The following GRIK5 variants were observed in gnomAD, a reference collection of about 807,000 sequenced individuals.
GRIK5 encodes glutamate ionotropic receptor kainate type subunit 5.
Under a neutral mutation model 97.4 loss-of-function variants are expected in GRIK5, and 43 were observed. The ratio of observed to expected loss-of-function variants is 0.44; its 90% CI spans 0.35 to 0.57. The LOEUF is 0.57. Among genes scored for constraint, GRIK5 ranks in the 20% least tolerant of loss-of-function variants. The pLI, the probability that GRIK5 is intolerant of heterozygous loss-of-function variation, is 0.01. For missense variants in GRIK5, 1,015 were observed against 1,382.0 expected, an observed-to-expected ratio of 0.73 and a Z score of 4.21; for synonymous variants, 580 against 583.5, an observed-to-expected ratio of 0.99 and a Z score of 0.09.
In GRIK5 at chr19:42,065,571, G is replaced by C; in HGVS notation, c.79+121C>G. 9.9e-7 allele frequency: 1 copy of C among 1,010,780 alleles called. No homozygotes were observed. Among genetic ancestry groups the C allele is most frequent in the East Asian group, 2.6e-5 (1 of 38,168 alleles). 62.6% of individuals were successfully genotyped at this position (1,010,780 alleles called of 1,614,324 possible). ...GGTCCTGGGGGAAGGAGGAACTGGAGGCTGGGATTCCTTGCTGCTGAAGAG... is the reference window on the plus strand; with the variant it reads ...GGTCCTGGGGGAAGGAGGAACTGGACGCTGGGATTCCTTGCTGCTGAAGAG... On this transcript the variant is annotated intron_variant, in intron 2 of 19. Transcript: ENST00000593562. This position sits in a 1 kb window ranked among gnomAD's most constrained non-coding sequence, Gnocchi z 5.8.
chr19:42,036,629 TA>T (rs2146091993), intron 12 of GRIK5, among the ~76,000 whole-genome samples: 1 of 152,350 alleles, frequency 6.6e-6, no homozygotes, highest in Admixed American at 6.5e-5. Flanking sequence ...GTACTGGGAT[TA>T]CAGGCGTAAG....
In GRIK5 at chr19:42,065,417, C is replaced by A. The variant is rs377014465; in HGVS notation, c.80-30G>T. Reference sequence around the variant, plus strand: ...GGGGACACATGGGTTGGGGACCAGACTCCTGAGTCCTGAGGAAGGAGGGGG... The same window carrying A: ...GGGGACACATGGGTTGGGGACCAGAATCCTGAGTCCTGAGGAAGGAGGGGG... On this transcript the variant is annotated intron_variant, in intron 2 of 19. Coordinates refer to ENST00000593562, the MANE Select transcript of GRIK5 (RefSeq NM_002088.5). This position sits in a 1 kb window ranked among gnomAD's most constrained non-coding sequence, Gnocchi z 5.8. 3.2e-6 allele frequency: 5 copies of A among 1,550,610 alleles called. No individual in the cohort carries two copies. In the South Asian group the frequency reaches 5.9e-5, roughly 18 times the overall value.
At chr19:42,018,764 G>A (rs1711603857) in intron 15 of GRIK5, among the ~76,000 whole-genome samples, 2 of 150,196 alleles carry the variant, frequency 1.3e-5, no homozygotes, top group South Asian at 4.3e-4. Flanking sequence ...GCAGGAGGCT[G>A]TGGGCTGAGG....
In GRIK5 at chr19:41,998,922, G is replaced by C. The variant is rs2075402400; in HGVS notation, c.2892C>G (p.Pro964=). 7.1e-6 allele frequency: 8 copies of C among 1,126,412 alleles called. No homozygotes were observed. The highest frequency in any genetic ancestry group is 6.5e-6 in the Non-Finnish European group (6 of 920,992). The allele number at this position is 1,126,412 out of a possible 1,614,324, so 69.8% of individuals were successfully genotyped here. Residue 964 remains proline (P), a synonymous_variant, in exon 20 of 20, where the codon CCC becomes CCG. Coordinates refer to ENST00000593562, the MANE Select transcript of GRIK5 (RefSeq NM_002088.5). ...LGVPAEATSP[P]RPRPGPAGPR... is the part of the protein sequence containing the mutation. Reference sequence around the variant, plus strand: ...GGCCGGCGGGGCCAGGCCGCGGCCGGGGCGGGCTGGTGGCTTCGGCGGGGA... The same window carrying C: ...GGCCGGCGGGGCCAGGCCGCGGCCGCGGCGGGCTGGTGGCTTCGGCGGGGA...
chr19:42,025,687 T>C (rs1229987640), intron 12 of GRIK5, among the ~76,000 whole-genome samples: 1 of 152,174 alleles, frequency 6.6e-6, no homozygotes, highest in Non-Finnish European at 1.5e-5. Flanking sequence ...CACTGCCCTC[T>C]GCCTCCACTG....
chr19:41,999,171 G>C lies in GRIK5; in HGVS notation c.2643C>G (p.Arg881=). ...SRALLSLRAV[R]EMRLSNGKLY... ...GCTTGCCGTTGCTGAGGCGCATCTC[G>C]CGGACCGCGCGCAGTGACAGCAGGG... The change falls in exon 20 of 20, where the codon CGC becomes CGG. Residue 881 remains arginine, a synonymous_variant. Coordinates refer to ENST00000593562, the MANE Select transcript of GRIK5 (RefSeq NM_002088.5). This position sits in a 1 kb window ranked among gnomAD's most constrained non-coding sequence, Gnocchi z 5.0. The C allele has an allele frequency of 6.6e-7, 1 of 1,506,706 alleles. No individual in the cohort carries two copies. Among genetic ancestry groups the C allele is most frequent in the Non-Finnish European group, 8.8e-7 (1 of 1,135,956 alleles). The allele number at this position is 1,506,706 out of a possible 1,614,324, so 93.3% of individuals were successfully genotyped here.
chr19:42,038,624 T>G (rs984683134), intron 12 of GRIK5, among the ~76,000 whole-genome samples: 2 of 152,228 alleles, frequency 1.3e-5, no homozygotes, highest in African/African-American at 2.4e-5. Flanking sequence ...AGTTCCCAGC[T>G]GGAGGGCTGG....
In GRIK5 at chr19:41,999,423, T is replaced by C. The variant is rs2075407390; in HGVS notation, c.2515-124A>G. 1.4e-6 allele frequency: 1 copy of C among 699,194 alleles called. No individual in the cohort carries two copies. The highest frequency in any genetic ancestry group is 2.2e-6 in the Non-Finnish European group (1 of 447,098). The allele number at this position is 699,194 out of a possible 1,614,324, so 43.3% of individuals were successfully genotyped here. A position where few individuals can be genotyped will look rare whatever the true frequency, so the allele number is the denominator to read the frequency against. On this transcript the variant is annotated intron_variant, in intron 19 of 19. Coordinates refer to ENST00000593562, the MANE Select transcript of GRIK5 (RefSeq NM_002088.5). This position sits in a 1 kb window ranked among gnomAD's most constrained non-coding sequence, Gnocchi z 5.0. ...GGGTCTTTCTTCCTTCTGCCCTCGC[T>C]TCCCTTCCCACTTCTCTTCCCTTTA... is the stretch of plus-strand genomic sequence containing the variant.
intron 12 of GRIK5, among the ~76,000 whole-genome samples, chr19:42,040,316 C>T (rs1244634855): frequency 6.6e-6 from 1 of 152,140 alleles, no homozygotes; most frequent in Non-Finnish European, 1.5e-5. Context: ...AAGAACTGTT[C>T]CAGACTTCTC....
In GRIK5 at chr19:42,022,441, G is replaced by C. The variant is rs2075711728; in HGVS notation, c.1474-87C>G. ...TTAGAGAGAAATGCACGGAGAGTGA[G>C]CAACTGAGGGAGGCGAGAGAGAGAG... On this transcript the variant is annotated intron_variant, in intron 12 of 19. Coordinates refer to ENST00000593562, the MANE Select transcript of GRIK5 (RefSeq NM_002088.5). This position sits in a 1 kb window ranked among gnomAD's most constrained non-coding sequence, Gnocchi z 4.2. The C allele has an allele frequency of 6.7e-7, 1 of 1,497,176 alleles. No individual in the cohort carries two copies. The highest frequency in any genetic ancestry group is 9.0e-7 in the Non-Finnish European group (1 of 1,107,234). The allele number at this position is 1,497,176 out of a possible 1,614,324, so 92.7% of individuals were successfully genotyped here. A position where few individuals can be genotyped will look rare whatever the true frequency, so the allele number is the denominator to read the frequency against.
chr19:42,005,279 A>G (rs1245347477), intron 17 of GRIK5, among the ~76,000 whole-genome samples: 1 of 150,648 alleles, frequency 6.6e-6, no homozygotes. Flanking sequence ...ACTTGTCCTG[A>G]AATATAAATA....
Position 42,021,913 on chromosome 19 carries a change from C to T in GRIK5, c.1697+34G>A, listed in dbSNP as rs2075703651. On this transcript the variant is annotated intron_variant, in intron 14 of 19. Transcript: ENST00000593562. The surrounding 1 kb of genome is among the most constrained non-coding windows in gnomAD (Gnocchi z 4.2). The stretch of plus-strand genomic sequence containing the variant: ...CAGAGGCCTCGGCTCGTGCCTCCTC[C>T]AGCCCCTTCCTTCCCAGTAGGCAGT... 2 of 1,464,210 alleles carry T rather than the reference C, an allele frequency of 1.4e-6. No homozygotes were observed. Among genetic ancestry groups the T allele is most frequent in the Admixed American group, 1.8e-5 (1 of 55,872 alleles). The allele number at this position is 1,464,210 out of a possible 1,614,324, so 90.7% of individuals were successfully genotyped here.
intron 12 of GRIK5, among the ~76,000 whole-genome samples, chr19:42,025,505 G>A (rs528270612): frequency 6.6e-5 from 10 of 152,140 alleles, no homozygotes; most frequent in East Asian, 3.9e-4. Context: ...CCAATATGGC[G>A]GCGGCAGCAG....
rs1008019441 is a variant in GRIK5, at chr19:42,069,658, G to C, written c.-468C>G. Among the ~76,000 whole-genome samples the C allele has an allele frequency of 6.7e-6, 1 of 149,356 alleles. No homozygotes were observed. The highest frequency in any genetic ancestry group is 1.5e-5 in the Non-Finnish European group (1 of 66,912). ...TCCCCTAGCCGGGCCGGCCTGGGGG[G>C]GCCACAGGGGGCGAGGACTGGGTGG... On this transcript the variant is annotated 5_prime_UTR_variant, in exon 1 of 20. Transcript: ENST00000593562.
chr19:42,053,969 G>T, intron 9 of GRIK5, 40 bp from the exon 10 acceptor site: 1 of 1,418,366 alleles, frequency 7.1e-7, no homozygotes, highest in Non-Finnish European at 1.0e-6. Context: ...AGAGTGCAGG[G>T]GCCCAGAGAT....
chr19:42,068,700 C>A, intron 1 of GRIK5: 1 of 466,146 alleles, frequency 2.1e-6, no homozygotes, highest in Non-Finnish European at 3.8e-6. Context: ...AGAGAGGGAT[C>A]TAAACAGAGA....
chr19:42,068,119 C>T (rs1056906546), intron 1 of GRIK5, among the ~76,000 whole-genome samples: 14 of 151,926 alleles, frequency 9.2e-5, no homozygotes, highest in African/African-American at 3.1e-4. Context: ...AGCTGCACGA[C>T]AGGCCCATAG....
chr19:42,043,079 T>G (rs1207757587), intron 11 of GRIK5, among the ~76,000 whole-genome samples: 1 of 152,152 alleles, frequency 6.6e-6, no homozygotes, highest in Non-Finnish European at 1.5e-5. Context: ...ATAGATCTTG[T>G]GCCAAAGTGG....
At position 42,005,805 on chromosome 19, in the gene GRIK5, T is replaced by C. The variant is rs1555872390; in HGVS notation, c.2181A>G (p.Glu727=). The C allele has an allele frequency of 2.5e-6, 4 of 1,614,094 alleles. No individual in the cohort carries two copies. The highest frequency in any genetic ancestry group is 3.4e-6 in the Non-Finnish European group (4 of 1,179,978). The part of the protein sequence containing the change: ...YAFLLESTMN[E]YHRRLNCNLT... ...GGTTGCAGTTGAGGCGCCGGTGGTA[T>C]TCGTTCATGGTGGACTCGAGCAGGA... is the stretch of plus-strand genomic sequence containing the variant. Residue 727 remains glutamate (E), a synonymous_variant, in exon 17 of 20, where the codon GAA becomes GAG. Coordinates refer to ENST00000593562, the MANE Select transcript of GRIK5 (RefSeq NM_002088.5).
Sources: gnomAD v4.1 joint callset for allele counts (sites outside exome capture counted in the v4.1 genomes callset) on GRCh38, gnomAD v4.1.1 for gene constraint, Gnocchi (gnomAD v3.1) non-coding constraint, MANE v1.5 for transcripts, NCBI Gene and HGNC (gene_info 2026-07-23, HGNC 2026-07-21) for gene names.